FERRY3: variants seen among roughly 807,000 people sequenced by gnomAD.
FERRY3 encodes FERRY endosomal RAB5 effector complex subunit 3, also known as protein C12orf4.
At chr12:4,531,501 C>T in the FERRY3 span, among the ~76,000 whole-genome samples, 1 of 152,170 alleles carries the variant, frequency 6.6e-6, no homozygotes, top group Admixed American at 6.5e-5. Context: ...AAGATACCTA[C>T]GTGAGAAGAA....
chr12:4,525,258 G>C, the FERRY3 span: 1 of 1,613,100 alleles, frequency 6.2e-7, no homozygotes, highest in African/African-American at 1.3e-5. Flanking sequence ...TAATACCTAA[G>C]GGAGCTGTTG....
the FERRY3 span, chr12:4,518,088 G>A: frequency 3.1e-6 from 5 of 1,612,572 alleles, no homozygotes; most frequent in African/African-American, 1.3e-5. Flanking sequence ...GAATTAATTC[G>A]ATTATCTACT....
the FERRY3 span, among the ~76,000 whole-genome samples, chr12:4,535,400 G>A: frequency 1.3e-5 from 2 of 152,146 alleles, no homozygotes; most frequent in Non-Finnish European, 2.9e-5. The surrounding 1 kb of genome is among the most constrained non-coding windows in gnomAD (Gnocchi z 4.0). Context: ...ACTGCCTAGG[G>A]TAAATAATTT....
chr12:4,537,186 G>C, the FERRY3 span, among the ~76,000 whole-genome samples: 1 of 152,132 alleles, frequency 6.6e-6, no homozygotes, highest in African/African-American at 2.4e-5. Context: ...GAATCTTTTT[G>C]AATGCCTTTT....
the FERRY3 span, chr12:4,534,268 T>C: frequency 4.3e-6 from 7 of 1,611,870 alleles, no homozygotes; most frequent in Non-Finnish European, 5.1e-6. Context: ...TGAGGGATTC[T>C]TCTTCTATAA....
At chr12:4,501,563 G>A in the FERRY3 span, among the ~76,000 whole-genome samples, 1 of 152,108 alleles carries the variant, frequency 6.6e-6, no homozygotes, top group African/African-American at 2.4e-5. Flanking sequence ...ACAGGAGCAC[G>A]AACCCTATTG....
the FERRY3 span, among the ~76,000 whole-genome samples, chr12:4,521,290 T>A: frequency 6.6e-6 from 1 of 151,542 alleles, no homozygotes; most frequent in Non-Finnish European, 1.5e-5. Context: ...ACGCAGGAGG[T>A]GGAGGTTGCA....
the FERRY3 span, chr12:4,518,810 G>C: frequency 1.1e-5 from 17 of 1,590,686 alleles, no homozygotes; most frequent in Non-Finnish European, 1.5e-5. Flanking sequence ...AACTTTCTCT[G>C]TTCCTCATAA....
chr12:4,533,358 A>G, the FERRY3 span, among the ~76,000 whole-genome samples: 8 of 151,926 alleles, frequency 5.3e-5, no homozygotes, highest in Non-Finnish European at 1.2e-4. Context: ...TTATATTCGA[A>G]CTTCTTCAGT....
At chr12:4,518,282 G>C in the FERRY3 span, 56 of 1,601,862 alleles carry the variant, frequency 3.5e-5, no homozygotes, top group Non-Finnish European at 4.7e-5. Flanking sequence ...GTCCAGGAAA[G>C]ATACTTAAGC....
At chr12:4,502,349 G>A in the FERRY3 span, 1 of 437,112 alleles carries the variant, frequency 2.3e-6, no homozygotes, top group East Asian at 7.1e-5. The surrounding 1 kb of genome is among the most constrained non-coding windows in gnomAD (Gnocchi z 4.2). Flanking sequence ...TTTGTTGAAT[G>A]AATGAGTATT....
chr12:4,511,374 T>C, the FERRY3 span, among the ~76,000 whole-genome samples: 1 of 152,120 alleles, frequency 6.6e-6, no homozygotes, highest in Non-Finnish European at 1.5e-5. Context: ...TGAACTCAGC[T>C]CTGCACCAAG....
At chr12:4,497,125 G>A in the FERRY3 span, among the ~76,000 whole-genome samples, 5,511 of 152,180 alleles carry the variant, frequency 0.036, 331 homozygotes, top group African/African-American at 0.12. Context: ...AAAATCTGGA[G>A]AAACTACCCA....
the FERRY3 span, chr12:4,508,830 GA>G: frequency 6.6e-6 from 1 of 152,092 alleles, no homozygotes; most frequent in Non-Finnish European, 1.5e-5. Context: ...TATGATACAT[GA>G]AATATAAGAA....
chr12:4,504,962 G>A, the FERRY3 span, among the ~76,000 whole-genome samples: 55 of 152,234 alleles, frequency 3.6e-4, 1 homozygote, highest in East Asian at 7.5e-3. Context: ...AAAAGTAGCC[G>A]GGTACGGTGG....
chr12:4,525,414 CA>C, the FERRY3 span: 1 of 1,597,468 alleles, frequency 6.3e-7, no homozygotes, highest in Admixed American at 1.8e-5. Context: ...ATTTTTTTAA[CA>C]AAAACAAACA....
chr12:4,510,897 A>T, the FERRY3 span, among the ~76,000 whole-genome samples: 3 of 152,082 alleles, frequency 2.0e-5, no homozygotes, highest in African/African-American at 7.2e-5. Flanking sequence ...ACATAACAAT[A>T]TTAACTTTAA....
At chr12:4,516,104 ACAGT>A in the FERRY3 span, among the ~76,000 whole-genome samples, 1 of 152,198 alleles carries the variant, frequency 6.6e-6, no homozygotes, top group Non-Finnish European at 1.5e-5. Context: ...GCTACTTAAG[ACAGT>A]CAAAGATATG....
chr12:4,523,388 G>A, the FERRY3 span, among the ~76,000 whole-genome samples: 11 of 152,308 alleles, frequency 7.2e-5, no homozygotes, highest in Non-Finnish European at 2.9e-5. Context: ...CAACCATTGT[G>A]GAAGACAGTG....
Sources: gnomAD v4.1 joint callset for allele counts (sites outside exome capture counted in the v4.1 genomes callset) on GRCh38, gnomAD v4.1.1 for gene constraint, Gnocchi (gnomAD v3.1) non-coding constraint, MANE v1.5 for transcripts, NCBI Gene and HGNC (gene_info 2026-07-23, HGNC 2026-07-21) for gene names.